Variants in HECTD4 observed in about 807,000 individuals in gnomAD.
The protein encoded by HECTD4 is probable E3 ubiquitin-protein ligase HECTD4.
A neutral mutation model predicts 471.5 loss-of-function variants in HECTD4; 114 were observed. That is an observed-to-expected ratio of 0.24 (90% confidence interval 0.21 to 0.28). The LOEUF is 0.28. HECTD4 is among the 10% of genes least tolerant of loss of function. HECTD4 has a pLI of 1.00. For synonymous variants in HECTD4, 2,012 were observed against 2,256.0 expected, an observed-to-expected ratio of 0.89 and a Z score of 3.07; for missense variants, 3,866 against 5,651.5, an observed-to-expected ratio of 0.68 and a Z score of 10.13.
In HECTD4 at chr12:112,231,589, T is replaced by A. The variant is rs1292572710; in HGVS notation, c.6124A>T (p.Ser2042Cys). Residue 2042 changes from serine to cysteine, a missense_variant, in exon 39 of 76, where the codon AGT becomes TGT. Physicochemically the swap from Ser to Cys is moderately radical, Grantham distance 112. Transcript: ENST00000682272. ...TTTTTGTCGCCTGTGGATAGTCCAC[T>A]CACAGTCTCTGGGTTGATAGACTCT... ...PVESINPETV[S>C]GLSTGDKKKT... The A allele has an allele frequency of 6.2e-7, 1 of 1,613,880 alleles. No individual in the cohort carries two copies. Among genetic ancestry groups the A allele is most frequent in the Non-Finnish European group, 8.5e-7 (1 of 1,179,888 alleles).
rs201553637 is a variant in HECTD4, at chr12:112,187,408, CTGAT to C, written c.9473-1919_9473-1916del. 4.6e-5 allele frequency among the ~76,000 whole-genome samples: 7 copies of C among 151,972 alleles called. No homozygotes were observed. In the East Asian group the frequency reaches 5.8e-4, roughly 13 times the overall value. The stretch of plus-strand genomic sequence containing the variant: ...ATGTATGAATGGATGGATAGATGGA[CTGAT>C]TGATTGATTGAGACAGGGTCTCATT... On this transcript the variant is annotated intron_variant, in intron 60 of 75. Transcript: ENST00000682272.
intron 1 of HECTD4, among the ~76,000 whole-genome samples, chr12:112,350,622 A>G (rs768648398): frequency 3.9e-5 from 6 of 152,216 alleles, no homozygotes; most frequent in South Asian, 2.1e-4. Flanking sequence ...TTCTTGGATG[A>G]ATTCATTTTT....
chr12:112,284,271 T>C lies in HECTD4; in HGVS notation c.1336-969A>G, dbSNP rs181711946. 2.6e-5 allele frequency among the ~76,000 whole-genome samples: 4 copies of C among 152,316 alleles called. No homozygotes were observed. The East Asian group carries it at 5.8e-4, about 22-fold the overall frequency. On this transcript the variant is annotated intron_variant, in intron 7 of 75. Coordinates refer to ENST00000682272, the MANE Select transcript of HECTD4 (RefSeq NM_001388303.1). Reference sequence around the variant, plus strand: ...TCTTAAACAAAACCTTGGTGGCCCATTAAAATATCACCCCTTTTGTCAAAT... The same window carrying C: ...TCTTAAACAAAACCTTGGTGGCCCACTAAAATATCACCCCTTTTGTCAAAT...
intron 21 of HECTD4, among the ~76,000 whole-genome samples, chr12:112,255,818 A>T (rs1295377067): frequency 1.3e-5 from 2 of 152,314 alleles, no homozygotes; most frequent in Admixed American, 1.3e-4. Flanking sequence ...TTAAGCCACC[A>T]GGTTGGAAAC....
chr12:112,338,370 T>C (rs1258141993), intron 1 of HECTD4, among the ~76,000 whole-genome samples: 2 of 152,194 alleles, frequency 1.3e-5, no homozygotes, highest in Non-Finnish European at 2.9e-5. Flanking sequence ...ACGCCTGTAG[T>C]TCTACTTTGC....
rs769290172 is a variant in HECTD4, at chr12:112,179,117, G to T, written c.11212-35C>A. 8.7e-6 allele frequency: 14 copies of T among 1,613,636 alleles called. No homozygotes were observed. The highest frequency in any genetic ancestry group is 3.3e-5 in the Admixed American group (2 of 59,962). On this transcript the variant is annotated intron_variant, in intron 63 of 75. Coordinates refer to ENST00000682272, the MANE Select transcript of HECTD4 (RefSeq NM_001388303.1). The surrounding 1 kb of genome is among the most constrained non-coding windows in gnomAD (Gnocchi z 4.3). ...ACAGAGGCAGCGGGGAGGCTCTCAG[G>T]TTCGCCCTGCAGGGCACCCAAGGCC...
chr12:112,187,906 A>G (rs111936155), intron 60 of HECTD4, among the ~76,000 whole-genome samples: 6,699 of 151,566 alleles, frequency 0.044, 311 homozygotes, highest in African/African-American at 0.12. Context: ...GATTACAGGC[A>G]TGAGCCACTG....
intron 7 of HECTD4, among the ~76,000 whole-genome samples, chr12:112,301,574 C>T (rs1278147032): frequency 6.6e-6 from 1 of 152,172 alleles, no homozygotes; most frequent in Non-Finnish European, 1.5e-5. Context: ...TGGATGGCTC[C>T]ACCACATCTT....
At chr12:112,219,528 C>T (rs780127959) in intron 44 of HECTD4, 39 bp from the exon 45 acceptor site, 17 of 1,445,450 alleles carry the variant, frequency 1.2e-5, no homozygotes, top group African/African-American at 7.0e-5. Flanking sequence ...AAACAACTCC[C>T]GCAACTCCCA....
intron 1 of HECTD4, among the ~76,000 whole-genome samples, chr12:112,359,547 T>C (rs2135746542): frequency 6.6e-6 from 1 of 152,208 alleles, no homozygotes. Context: ...AGCTTCTGAG[T>C]AGCTGGGATT....
chr12:112,219,652 T>G (rs960642206), intron 44 of HECTD4, 163 bp from the exon 45 acceptor site: 1 of 502,424 alleles, frequency 2.0e-6, no homozygotes, highest in Admixed American at 3.6e-5. Context: ...CAGGCTGGAG[T>G]GCAGTGGCGC....
At chr12:112,210,769 T>G (rs1224630080) in intron 49 of HECTD4, among the ~76,000 whole-genome samples, 1 of 152,262 alleles carries the variant, frequency 6.6e-6, no homozygotes, top group Non-Finnish European at 1.5e-5. Flanking sequence ...CATATTTATG[T>G]GATTATTTGA....
intron 6 of HECTD4, among the ~76,000 whole-genome samples, 165 bp downstream of exon 6, chr12:112,308,588 T>C (rs2035315130): frequency 1.3e-5 from 2 of 152,062 alleles, no homozygotes; most frequent in Admixed American, 1.3e-4. Context: ...ATGGGAAAAG[T>C]CTAAGACATT....
intron 7 of HECTD4, among the ~76,000 whole-genome samples, chr12:112,290,851 A>T (rs2034864138): frequency 6.7e-6 from 1 of 148,250 alleles, no homozygotes; most frequent in Non-Finnish European, 1.5e-5. Context: ...TCCGTCTCAA[A>T]AAAAAACAAA....
At chr12:112,338,898 T>G (rs2036004964) in intron 1 of HECTD4, among the ~76,000 whole-genome samples, 1 of 152,070 alleles carries the variant, frequency 6.6e-6, no homozygotes. Flanking sequence ...CACTCACCAG[T>G]GAGGACAGCA....
intron 1 of HECTD4, among the ~76,000 whole-genome samples, chr12:112,369,876 T>A (rs1168065599): frequency 6.6e-6 from 1 of 152,170 alleles, no homozygotes; most frequent in Non-Finnish European, 1.5e-5. Context: ...GGACTGTTTT[T>A]AAGAGTGAAA....
chr12:112,308,832 C>T lies in HECTD4; in HGVS notation c.1085G>A (p.Gly362Asp). 1 of 1,536,010 alleles carries T rather than the reference C, an allele frequency of 6.5e-7. No individual in the cohort carries two copies. The highest frequency in any genetic ancestry group is 8.7e-7 in the Non-Finnish European group (1 of 1,146,840). The part of the protein sequence containing the change: ...LEPGWVAFGS[G>D]SLLHRPVSFD... ...AGAGACAGGCCGGTGGAGAAGACTG[C>T]CGCTGCCAAAAGCCACCCATCCTGG... The change falls in exon 6 of 76, where the codon GGC becomes GAC. Residue 362 changes from glycine (G) to aspartate (D), a missense_variant. By Grantham distance (94) the Gly-to-Asp change is moderately conservative. This residue lies in a region of HECTD4 where 440 missense variants were observed against 636.0 expected (regional missense o/e 0.69). Coordinates refer to ENST00000682272, the MANE Select transcript of HECTD4 (RefSeq NM_001388303.1).
At position 112,164,067 on chromosome 12, in the gene HECTD4, C is replaced by T. The variant is rs537674422; in HGVS notation, c.12701+42G>A. ...TGCTGTCATACCCTGGCTGGCTGGC[C>T]GGGCCAGCCCCTGCCAGCCCCTGAC... is the stretch of plus-strand genomic sequence containing the variant. On this transcript the variant is annotated intron_variant, in intron 73 of 75. Transcript: ENST00000682272. 1,277 of 1,381,384 alleles carry T rather than the reference C, an allele frequency of 9.2e-4. 15 individuals carry two copies. The South Asian group carries it at 0.018, about 19-fold the overall frequency. 85.6% of individuals were successfully genotyped at this position (1,381,384 alleles called of 1,614,324 possible). A position where few individuals can be genotyped will look rare whatever the true frequency, so the allele number is the denominator to read the frequency against.
chr12:112,309,797 G>C, intron 4 of HECTD4, 128 bp from the exon 5 acceptor site: 1 of 512,354 alleles, frequency 2.0e-6, no homozygotes, highest in Admixed American at 3.6e-5. Flanking sequence ...TAAAATAAGA[G>C]CTTCAATGTG....
Sources: gnomAD v4.1 joint callset for allele counts (sites outside exome capture counted in the v4.1 genomes callset) on GRCh38, gnomAD v4.1.1 for gene constraint, gnomAD v4.1.1 regional missense constraint, Gnocchi (gnomAD v3.1) non-coding constraint, MANE v1.5 for transcripts, NCBI Gene and HGNC (gene_info 2026-07-23, HGNC 2026-07-21) for gene names.